Variants in RNF180 observed in about 807,000 individuals in gnomAD.
The protein encoded by RNF180 is ring finger protein 180.
Under a neutral mutation model 59.2 loss-of-function variants are expected in RNF180, and 38 were observed. The ratio of observed to expected loss-of-function variants is 0.64; its 90% CI spans 0.50 to 0.84. RNF180 has a LOEUF of 0.84. Ranked by LOEUF, RNF180 falls within the 40% of genes least tolerant of loss-of-function variation. The probability of loss-of-function intolerance (pLI) is 0.00; values close to 1 mark genes in which losing one functional copy is unlikely to be tolerated. For missense variants in RNF180, 705 were observed against 700.9 expected (o/e 1.01, Z -0.07); for synonymous variants, 262 against 240.3 (o/e 1.09, Z -0.84).
At chr5:64,362,513 C>T (rs749720215) in intron 7 of RNF180, among the ~76,000 whole-genome samples, 2 of 151,652 alleles carry the variant, frequency 1.3e-5, no homozygotes, top group East Asian at 1.9e-4. Flanking sequence ...GTTTATTCCA[C>T]GTCTTTGCTA....
intron 5 of RNF180, among the ~76,000 whole-genome samples, chr5:64,234,621 A>G (rs1345605575): frequency 1.0e-3 from 42 of 40,356 alleles, no homozygotes; most frequent in African/African-American, 2.8e-3. Context: ...TTTTTTTGAG[A>G]AGGAGTCTCA....
intron 5 of RNF180, among the ~76,000 whole-genome samples, chr5:64,264,229 A>C (rs1184182671): frequency 6.6e-6 from 1 of 151,724 alleles, no homozygotes; most frequent in South Asian, 2.1e-4. Flanking sequence ...TCTTTTTTTT[A>C]TTTCTTTAAG....
At chr5:64,166,657 T>A (rs1440248150) in intron 1 of RNF180, among the ~76,000 whole-genome samples, 2 of 152,208 alleles carry the variant, frequency 1.3e-5, no homozygotes, top group Non-Finnish European at 2.9e-5. Flanking sequence ...CTAACAGTTG[T>A]AAGTGTATCT....
At chr5:64,234,060 ATGC>A (rs1301763063) in intron 5 of RNF180, among the ~76,000 whole-genome samples, 1 of 152,228 alleles carries the variant, frequency 6.6e-6, no homozygotes, top group African/African-American at 2.4e-5. Flanking sequence ...ATTTAGCTGT[ATGC>A]TCTTGTGCAA....
At chr5:64,349,641 A>C (rs1458024510) in intron 7 of RNF180, among the ~76,000 whole-genome samples, 1 of 151,682 alleles carries the variant, frequency 6.6e-6, no homozygotes, top group Non-Finnish European at 1.5e-5. Context: ...CCTGTGTCCA[A>C]GTGTTCTCAT....
At chr5:64,267,254 T>TA (rs1207140137) in intron 5 of RNF180, among the ~76,000 whole-genome samples, 2 of 152,148 alleles carry the variant, frequency 1.3e-5, no homozygotes, top group African/African-American at 4.8e-5. Flanking sequence ...ATACTTTCTT[T>TA]AAAACAAGAT....
intron 5 of RNF180, among the ~76,000 whole-genome samples, chr5:64,240,622 A>G (rs142687459): frequency 3.5e-4 from 54 of 152,310 alleles, no homozygotes; most frequent in African/African-American, 1.2e-3. Context: ...ATATCCTGTG[A>G]TATGCCCTCT....
intron 7 of RNF180, among the ~76,000 whole-genome samples, chr5:64,350,884 C>T (rs1328398846): frequency 1.3e-5 from 2 of 152,094 alleles, no homozygotes; most frequent in African/African-American, 2.4e-5. Context: ...ATTGACTTGG[C>T]AATGCGGGCT....
At chr5:64,303,021 GTC>G (rs1193406384) in intron 5 of RNF180, among the ~76,000 whole-genome samples, 1 of 151,526 alleles carries the variant, frequency 6.6e-6, no homozygotes, top group African/African-American at 2.4e-5. Flanking sequence ...CTCTTTTTGT[GTC>G]TCTTTGTCAC....
rs1749691137 is a variant in RNF180 at position 64,167,164 on chromosome 5, ATATT to A, written c.-1+1218_-1+1221del. Among the ~76,000 whole-genome samples, 4 of 152,356 alleles carry A rather than the reference ATATT, an allele frequency of 2.6e-5. No homozygotes were observed. In the South Asian group the frequency reaches 8.3e-4, roughly 32 times the overall value. ...TTGGTGACAATGGCAGAAACTCTAA[ATATT>A]TATTTAATAAGTAGAATCGAGGAGG... On this transcript the variant is annotated intron_variant, in intron 1 of 7. Coordinates refer to ENST00000389100, the MANE Select transcript of RNF180 (RefSeq NM_001113561.2).
intron 5 of RNF180, among the ~76,000 whole-genome samples, chr5:64,266,148 C>T (rs755507394): frequency 1.2e-4 from 18 of 152,156 alleles, no homozygotes; most frequent in Non-Finnish European, 2.5e-4. Context: ...TCCAGATATA[C>T]AATCATGTTA....
At chr5:64,271,926 C>T (rs1741432430) in intron 5 of RNF180, among the ~76,000 whole-genome samples, 2 of 152,030 alleles carry the variant, frequency 1.3e-5, no homozygotes, top group South Asian at 4.1e-4. Context: ...AATAACCCTT[C>T]CTCTTCTTTC....
chr5:64,315,347 A>G (rs561415923), intron 5 of RNF180, among the ~76,000 whole-genome samples: 25 of 152,180 alleles, frequency 1.6e-4, no homozygotes, highest in Non-Finnish European at 3.4e-4. Flanking sequence ...GAAAATGTCT[A>G]CCAAATAACC....
chr5:64,326,487 G>A (rs1358490950), intron 6 of RNF180, among the ~76,000 whole-genome samples: 1 of 151,940 alleles, frequency 6.6e-6, no homozygotes, highest in Non-Finnish European at 1.5e-5. Context: ...GTTTATTTTT[G>A]TCTATTTTAT....
At chr5:64,332,186 G>A (rs1744939117) in intron 7 of RNF180, among the ~76,000 whole-genome samples, 1 of 152,142 alleles carries the variant, frequency 6.6e-6, no homozygotes, top group Non-Finnish European at 1.5e-5. Context: ...GGCACAAGCA[G>A]TACTCAGGCA....
At chr5:64,336,124 C>A (rs997288008) in intron 7 of RNF180, among the ~76,000 whole-genome samples, 4 of 152,080 alleles carry the variant, frequency 2.6e-5, no homozygotes, top group Non-Finnish European at 4.4e-5. Flanking sequence ...TTCTTTTTAT[C>A]CCCATATCCT....
chr5:64,323,403 C>T (rs1185207129), intron 5 of RNF180, among the ~76,000 whole-genome samples: 1 of 151,958 alleles, frequency 6.6e-6, no homozygotes, highest in Non-Finnish European at 1.5e-5. Flanking sequence ...TAGTCGGGCA[C>T]CATGCCGCAT....
intron 5 of RNF180, among the ~76,000 whole-genome samples, chr5:64,285,891 C>T (rs1742259027): frequency 1.3e-5 from 2 of 152,156 alleles, no homozygotes; most frequent in Non-Finnish European, 2.9e-5. Context: ...TGGAGTCCTG[C>T]CCCTGCCATC....
At chr5:64,168,425 G>A (rs939400151) in intron 1 of RNF180, among the ~76,000 whole-genome samples, 1 of 152,176 alleles carries the variant, frequency 6.6e-6, no homozygotes, top group African/African-American at 2.4e-5. Flanking sequence ...TACTACAAAG[G>A]GGACAGTGCT....
Sources: allele counts gnomAD v4.1 joint callset (sites outside exome capture counted in the v4.1 genomes callset), GRCh38; gene constraint gnomAD v4.1.1; transcripts MANE v1.5; gene names NCBI Gene and HGNC (gene_info 2026-07-23, HGNC 2026-07-21).